RASA3: variants seen among roughly 807,000 people sequenced by gnomAD.
RASA3 encodes the protein RAS p21 protein activator 3, also known as ras GTPase-activating protein 3.
In RASA3, 73 loss-of-function variants were observed where a neutral mutation model predicts 110.0. The ratio of observed to expected loss-of-function variants is 0.66; its 90% CI spans 0.55 to 0.81. RASA3 has a LOEUF of 0.81. RASA3 is among the 30% of genes least tolerant of loss of function. The pLI, the probability that RASA3 is intolerant of heterozygous loss-of-function variation, is 0.00. For synonymous variants in RASA3, 500 were observed against 451.4 expected, an observed-to-expected ratio of 1.11 and a Z score of -1.37; for missense variants, 976 against 1,113.2, an observed-to-expected ratio of 0.88 and a Z score of 1.75.
chr13:113,996,560 G>A lies in RASA3; in HGVS notation c.2112C>T (p.Asp704=). ...TGCAGGGCGAGCAGCCCGGAGCCGA[G>A]TCGGATGGCGCCCTACAGCACAGCC... ...GHWLCCRAPS[D]SAPGCSPCTG... is the part of the protein sequence containing the mutation. Residue 704 remains aspartate, a synonymous_variant, in exon 21 of 24, where the codon GAC becomes GAT. Coordinates refer to ENST00000334062, the MANE Select transcript of RASA3 (RefSeq NM_007368.4). 2.5e-6 allele frequency: 4 copies of A among 1,613,004 alleles called. No individual in the cohort carries two copies. The highest frequency in any genetic ancestry group is 2.5e-6 in the Non-Finnish European group (3 of 1,179,996).
In RASA3 at chr13:114,112,332, C is replaced by T. The variant is rs1471009672; in HGVS notation, c.55+20103G>A. 3.3e-5 allele frequency among the ~76,000 whole-genome samples: 5 copies of T among 152,286 alleles called. No homozygotes were observed. The highest frequency in any genetic ancestry group is 6.5e-5 in the Admixed American group (1 of 15,288). ...GGGCCTGGGGCAGCCGGAACCTGGC[C>T]GGGTGGAGGATTTCTACCACGAGAA... On this transcript the variant is annotated intron_variant, in intron 1 of 23. Transcript: ENST00000334062. This position sits in a 1 kb window ranked among gnomAD's most constrained non-coding sequence, Gnocchi z 4.8.
At chr13:114,078,879 C>T (rs1356023622) in intron 1 of RASA3, among the ~76,000 whole-genome samples, 1 of 152,124 alleles carries the variant, frequency 6.6e-6, no homozygotes, top group Non-Finnish European at 1.5e-5. Flanking sequence ...TCGGGGCTGC[C>T]CGCAGCACCC....
At chr13:113,982,731 G>T (rs1281613823) in intron 22 of RASA3, among the ~76,000 whole-genome samples, 2 of 152,256 alleles carry the variant, frequency 1.3e-5, no homozygotes. Flanking sequence ...GGCATCAGGA[G>T]ATGAGGCCTT....
chr13:114,030,464 AG>A (rs1566501727), intron 4 of RASA3, among the ~76,000 whole-genome samples: 2,214 of 103,082 alleles, frequency 0.021, 129 homozygotes, highest in East Asian at 0.12. Context: ...GCTCACACAG[AG>A]GGCAAGGCTC....
intron 1 of RASA3, among the ~76,000 whole-genome samples, chr13:114,094,195 G>A (rs528158467): frequency 2.0e-5 from 3 of 152,160 alleles, no homozygotes; most frequent in Admixed American, 6.5e-5. Context: ...TTGTTGTTGT[G>A]GGAAATATGA....
chr13:114,102,219 TGGTAGGCGGGCAGCAGGTGGGC>T (rs565416835), intron 1 of RASA3, among the ~76,000 whole-genome samples: 205 of 151,008 alleles, frequency 1.4e-3, no homozygotes, highest in South Asian at 2.5e-3. Context: ...AGCGGGCGGG[TGGTAGGCGGGCAGCAGGTGGGC>T]GGTAGGCGGG....
chr13:113,996,146 T>C (rs918911685), intron 21 of RASA3, among the ~76,000 whole-genome samples: 2 of 151,014 alleles, frequency 1.3e-5, no homozygotes, highest in Admixed American at 6.6e-5. Context: ...TGCTGCGTCA[T>C]GTGGAATCAA....
intron 7 of RASA3, 45 bp from the exon 8 acceptor site, chr13:114,024,400 A>C (rs2053989129): frequency 6.3e-7 from 1 of 1,580,036 alleles, no homozygotes; most frequent in South Asian, 1.1e-5. Flanking sequence ...CGGTGCCACC[A>C]GGCGGGGGTA....
chr13:114,058,736 T>C (rs60852772), intron 2 of RASA3, among the ~76,000 whole-genome samples: 38,910 of 152,248 alleles, frequency 0.26, 5,380 homozygotes, highest in Admixed American at 0.41. Context: ...AGGGACCAAG[T>C]CCTGCTGCTG....
intron 2 of RASA3, among the ~76,000 whole-genome samples, chr13:114,071,981 C>T (rs904700310): frequency 2.6e-5 from 4 of 152,204 alleles, no homozygotes; most frequent in Admixed American, 6.5e-5. Flanking sequence ...CTGAACTGAA[C>T]GGTGCAGTCA....
chr13:114,021,578 C>T (rs1441767748), intron 8 of RASA3, 70 bp from the exon 9 acceptor site: 9 of 1,259,134 alleles, frequency 7.1e-6, no homozygotes, highest in Admixed American at 3.6e-5. Context: ...TGACAGGCCA[C>T]GCTTTGTTCC....
At chr13:114,012,171 G>C (rs574271800) in intron 15 of RASA3, among the ~76,000 whole-genome samples, 1 of 151,984 alleles carries the variant, frequency 6.6e-6, no homozygotes, top group African/African-American at 2.4e-5. Flanking sequence ...AGAGCAGGGC[G>C]GTGACCAGCA....
intron 2 of RASA3, among the ~76,000 whole-genome samples, chr13:114,071,646 C>T (rs1422593943): frequency 3.3e-5 from 5 of 152,196 alleles, no homozygotes. Context: ...TGACAATGCC[C>T]CTCAGCCTGC....
chr13:114,036,031 G>A (rs2054272327), intron 4 of RASA3: 1 of 152,280 alleles, frequency 6.6e-6, no homozygotes, highest in Admixed American at 6.5e-5. Context: ...GTGATCCCCT[G>A]CAGGGCTGTG....
intron 16 of RASA3, among the ~76,000 whole-genome samples, chr13:114,010,608 GCCACGTTGGGAGGAGGC>G (rs2053610960): frequency 8.1e-6 from 1 of 123,200 alleles, no homozygotes; most frequent in African/African-American, 3.2e-5. Flanking sequence ...GGAGGGGAGC[GCCACGTTGGGAGGAGGC>G]GGCCGCTTGG....
At chr13:113,989,210 C>T (rs1414069107) in intron 22 of RASA3, among the ~76,000 whole-genome samples, 1 of 149,508 alleles carries the variant, frequency 6.7e-6, no homozygotes, top group Non-Finnish European at 1.5e-5. Context: ...CCCATCTGTT[C>T]ATCCACCCAT....
At chr13:113,993,529 G>A (rs777848616) in intron 21 of RASA3, among the ~76,000 whole-genome samples, 4 of 151,846 alleles carry the variant, frequency 2.6e-5, no homozygotes, top group East Asian at 3.9e-4. Context: ...CTCCATAGCC[G>A]GGTGTGGTGG....
chr13:114,050,131 C>T (rs971411260), intron 3 of RASA3, among the ~76,000 whole-genome samples: 3 of 152,230 alleles, frequency 2.0e-5, no homozygotes, highest in Non-Finnish European at 4.4e-5. Flanking sequence ...CCGCAGCACC[C>T]AGCTTGAACG....
At chr13:114,037,780 C>T (rs1337904606) in intron 4 of RASA3, among the ~76,000 whole-genome samples, 1 of 152,218 alleles carries the variant, frequency 6.6e-6, no homozygotes, top group Non-Finnish European at 1.5e-5. Flanking sequence ...GGATAACATC[C>T]GTGGACTGCA....
Sources: allele counts gnomAD v4.1 joint callset (sites outside exome capture counted in the v4.1 genomes callset), GRCh38; gene constraint gnomAD v4.1.1; non-coding constraint Gnocchi (gnomAD v3.1); transcripts MANE v1.5; gene names NCBI Gene and HGNC (gene_info 2026-07-23, HGNC 2026-07-21).